The following SIK3 variants were observed in gnomAD, a reference collection of about 807,000 sequenced individuals.
The protein encoded by SIK3 is serine/threonine-protein kinase SIK3.
In SIK3, 28 loss-of-function variants were observed where a neutral mutation model predicts 144.2. That is an observed-to-expected ratio of 0.19 (90% CI 0.14 to 0.27). The LOEUF (loss-of-function observed/expected upper bound fraction) is 0.27, where lower values mean the gene tolerates loss of function less well. Among genes scored for constraint, SIK3 ranks in the 10% least tolerant of loss-of-function variants. The pLI is 1.00. For missense variants in SIK3, 1,319 were observed against 1,776.0 expected (o/e 0.74, Z 4.62); for synonymous variants, 686 against 676.3 (o/e 1.01, Z -0.22).
At chr11:117,035,941 G>T (rs200040785) in intron 1 of SIK3, 116 of 1,588,674 alleles carry the variant, frequency 7.3e-5, no homozygotes, top group Non-Finnish European at 9.0e-5. Flanking sequence ...AGCATCCTGG[G>T]CATTTCACAT....
intron 1 of SIK3, among the ~76,000 whole-genome samples, chr11:116,959,413 T>C (rs570853760): frequency 2.6e-5 from 4 of 152,332 alleles, no homozygotes; most frequent in African/African-American, 7.2e-5. Context: ...CATGCCATGA[T>C]GTGCAAAAGG....
intron 1 of SIK3, among the ~76,000 whole-genome samples, chr11:117,079,987 T>C (rs774992942): frequency 8.6e-5 from 13 of 151,978 alleles, no homozygotes; most frequent in African/African-American, 1.9e-4. Flanking sequence ...AGAGCCAAGA[T>C]TGCACCACTG....
chr11:117,033,496 T>G (rs568609796), intron 1 of SIK3, among the ~76,000 whole-genome samples: 32 of 151,930 alleles, frequency 2.1e-4, no homozygotes, highest in African/African-American at 7.7e-4. Context: ...GGTCAAGAGA[T>G]CAAGACCATC....
intron 6 of SIK3, among the ~76,000 whole-genome samples, chr11:116,891,785 G>A (rs933541261): frequency 6.6e-6 from 1 of 152,114 alleles, no homozygotes; most frequent in Non-Finnish European, 1.5e-5. Flanking sequence ...ATTAGAGGGG[G>A]ACAAGACTGG....
intron 3 of SIK3, among the ~76,000 whole-genome samples, chr11:116,945,590 C>T (rs777928207): frequency 3.3e-5 from 5 of 151,942 alleles, no homozygotes; most frequent in Non-Finnish European, 7.4e-5. Context: ...CCCACTTCAG[C>T]CTAAGCCCAA....
At chr11:116,876,814 A>T in intron 7 of SIK3, 110 bp downstream of exon 7, 1 of 824,384 alleles carries the variant, frequency 1.2e-6, no homozygotes, top group Non-Finnish European at 2.1e-6. Flanking sequence ...GTTACATAAT[A>T]GTTTGTTCCC....
chr11:117,041,820 T>C (rs916949191), intron 1 of SIK3, among the ~76,000 whole-genome samples: 14 of 152,234 alleles, frequency 9.2e-5, no homozygotes, highest in African/African-American at 3.4e-4. Context: ...ACTTCTGATT[T>C]CCTTGTCCAA....
At chr11:116,866,312 G>T (rs1565381851) in intron 15 of SIK3, among the ~76,000 whole-genome samples, 1 of 152,174 alleles carries the variant, frequency 6.6e-6, no homozygotes, top group Non-Finnish European at 1.5e-5. Flanking sequence ...AGGAAGGGAA[G>T]AAGGAGACAA....
chr11:116,927,464 G>A, intron 3 of SIK3, 84 bp from the exon 4 acceptor site: 1 of 1,355,550 alleles, frequency 7.4e-7, no homozygotes, highest in Non-Finnish European at 1.0e-6. Flanking sequence ...GCTACAAGGG[G>A]CCCTCTCGAG....
At chr11:117,078,653 T>C (rs1484676713) in intron 1 of SIK3, among the ~76,000 whole-genome samples, 1 of 152,172 alleles carries the variant, frequency 6.6e-6, no homozygotes, top group Non-Finnish European at 1.5e-5. Context: ...TCCGCCCGCC[T>C]TGGCCTCCCA....
At chr11:116,946,100 C>T (rs1187868023) in intron 3 of SIK3, among the ~76,000 whole-genome samples, 1 of 152,180 alleles carries the variant, frequency 6.6e-6, no homozygotes, top group Non-Finnish European at 1.5e-5. Context: ...CCCTCAGTTC[C>T]TCATTGATCT....
In SIK3 at chr11:117,012,756, T is replaced by C. The variant is rs575113388; in HGVS notation, c.274-55692A>G. 4.6e-5 allele frequency among the ~76,000 whole-genome samples: 7 copies of C among 152,018 alleles called. 1 individual carries two copies. Among genetic ancestry groups the C allele is most frequent in the African/African-American group, 1.4e-4 (6 of 41,434 alleles). ...AATAGTAATTGTCCAGATCTCTCAA[T>C]TGGGCACTTAGGGAAACAAAACAAC... On this transcript the variant is annotated intron_variant, in intron 1 of 24. Transcript: ENST00000445177.
intron 1 of SIK3, among the ~76,000 whole-genome samples, chr11:116,964,903 T>A (rs1212947658): frequency 6.6e-6 from 1 of 151,742 alleles, no homozygotes; most frequent in Non-Finnish European, 1.5e-5. Context: ...ATAATAATAA[T>A]AATAAAATAC....
chr11:116,871,917 T>C lies in SIK3; in HGVS notation c.1738-1516A>G, dbSNP rs182072090. Among the ~76,000 whole-genome samples, 227 of 152,272 alleles carry C rather than the reference T, an allele frequency of 1.5e-3. 7 individuals are homozygous for C. Among genetic ancestry groups the C allele is most frequent in the East Asian group, 7.7e-4 (4 of 5,182 alleles). On this transcript the variant is annotated intron_variant, in intron 13 of 24. Transcript: ENST00000445177. ...TACTTGTGGAATAACCAACTAAATC[T>C]ATCCCATAGGCAGTCATGTACACGT...
intron 4 of SIK3, among the ~76,000 whole-genome samples, chr11:116,900,946 C>T (rs1359410159): frequency 6.6e-6 from 1 of 151,872 alleles, no homozygotes; most frequent in African/African-American, 2.4e-5. Flanking sequence ...CTCACCGCAA[C>T]CTCCACCTCC....
chr11:116,934,053 T>A (rs564868957), intron 3 of SIK3, among the ~76,000 whole-genome samples: 4 of 152,356 alleles, frequency 2.6e-5, no homozygotes, highest in African/African-American at 9.6e-5. Context: ...CTATCTCTAT[T>A]GTCAGCTTAC....
chr11:117,073,101 T>C (rs138200936), intron 1 of SIK3, among the ~76,000 whole-genome samples: 173 of 152,274 alleles, frequency 1.1e-3, no homozygotes, highest in African/African-American at 4.0e-3. Context: ...GTGGCAGCTA[T>C]ATAATCTCAA....
chr11:116,897,279 G>A lies in SIK3; in HGVS notation c.655C>T (p.Leu219=). The A allele has an allele frequency of 6.2e-7, 1 of 1,614,082 alleles. No homozygotes were observed. Among genetic ancestry groups the A allele is most frequent in the Non-Finnish European group, 8.5e-7 (1 of 1,179,964 alleles). The part of the protein sequence containing the change: ...FSNLFTPGQL[L]KTWCGSPPYA... ...GGAGGGCTGCCACACCAGGTCTTCA[G>A]CAGCTGCCCAGGAGTGAAGAGGTTA... is the stretch of plus-strand genomic sequence containing the variant. Residue 219 remains leucine (L), a synonymous_variant, in exon 5 of 25, where the codon CTG becomes TTG. Transcript: ENST00000445177.
At chr11:116,931,425 T>C (rs1947597069) in intron 3 of SIK3, among the ~76,000 whole-genome samples, 1 of 152,188 alleles carries the variant, frequency 6.6e-6, no homozygotes, top group Admixed American at 6.5e-5. Context: ...AATGGGATAG[T>C]GGTGCGGAGC....
Sources: gnomAD v4.1 joint callset for allele counts (sites outside exome capture counted in the v4.1 genomes callset) on GRCh38, gnomAD v4.1.1 for gene constraint, MANE v1.5 for transcripts, NCBI Gene and HGNC (gene_info 2026-07-23, HGNC 2026-07-21) for gene names.